Variants in CSMD3 observed in about 807,000 individuals in gnomAD.
CSMD3 encodes CUB and sushi domain-containing protein 3.
CSMD3 carries 177 observed loss-of-function variants against 435.2 expected under a neutral mutation model. The observed-to-expected ratio is 0.41, with a 90% CI of 0.36 to 0.46. The LOEUF (loss-of-function observed/expected upper bound fraction) is 0.46. Among genes scored for constraint, CSMD3 ranks in the 20% least tolerant of loss-of-function variants. CSMD3 has a pLI of 0.34. For missense variants in CSMD3, 4,265 were observed against 4,504.6 expected (o/e 0.95, Z 1.52); for synonymous variants, 1,656 against 1,520.5 (o/e 1.09, Z -2.07).
intron 13 of CSMD3, among the ~76,000 whole-genome samples, chr8:112,779,144 C>T (rs1489806425): frequency 1.3e-5 from 2 of 150,470 alleles, no homozygotes; most frequent in African/African-American, 4.9e-5. Context: ...ATTATCTTGA[C>T]ACTGTATTTT....
intron 13 of CSMD3, among the ~76,000 whole-genome samples, chr8:112,715,833 A>T (rs2076713627): frequency 6.6e-6 from 1 of 152,192 alleles, no homozygotes; most frequent in Admixed American, 6.6e-5. Context: ...CCACATGATT[A>T]TTTCAATAGA....
At chr8:113,102,754 G>A (rs922771167) in intron 4 of CSMD3, among the ~76,000 whole-genome samples, 2 of 152,092 alleles carry the variant, frequency 1.3e-5, no homozygotes, top group African/African-American at 4.8e-5. Context: ...ACAGTAAAAA[G>A]GGCGAGGGGC....
intron 1 of CSMD3, among the ~76,000 whole-genome samples, chr8:113,401,496 T>C (rs1259233651): frequency 1.3e-5 from 2 of 151,642 alleles, no homozygotes; most frequent in African/African-American, 4.8e-5. Flanking sequence ...TATACATAAG[T>C]GGGTAGTTCG....
At chr8:113,100,498 A>G (rs533783674) in intron 4 of CSMD3, among the ~76,000 whole-genome samples, 33 of 152,252 alleles carry the variant, frequency 2.2e-4, no homozygotes, top group African/African-American at 7.9e-4. Context: ...TCACAGTTTA[A>G]CTGGCCCACA....
intron 4 of CSMD3, among the ~76,000 whole-genome samples, chr8:113,153,909 T>C (rs1247330574): frequency 6.6e-6 from 1 of 151,938 alleles, no homozygotes; most frequent in African/African-American, 2.4e-5. Flanking sequence ...GTTAAGCTTG[T>C]GATGGTATGA....
chr8:112,957,157 C>T (rs898178513), intron 7 of CSMD3, among the ~76,000 whole-genome samples: 1 of 151,692 alleles, frequency 6.6e-6, no homozygotes, highest in African/African-American at 2.4e-5. Flanking sequence ...CAATATATAC[C>T]ATAAAATATA....
At chr8:113,393,169 T>C (rs539222112) in intron 1 of CSMD3, among the ~76,000 whole-genome samples, 12 of 152,016 alleles carry the variant, frequency 7.9e-5, no homozygotes, top group Non-Finnish European at 1.6e-4. Context: ...TCATGTCCTA[T>C]ACTTTATTAC....
intron 61 of CSMD3, among the ~76,000 whole-genome samples, chr8:112,261,956 A>C (rs776051491): frequency 1.3e-4 from 19 of 151,988 alleles, no homozygotes; most frequent in Non-Finnish European, 2.4e-4. Context: ...TTGTTTTCAC[A>C]CATATTGATT....
chr8:113,020,829 T>C lies in CSMD3; in HGVS notation c.918-1650A>G, dbSNP rs890875412. ...TGCTAGGGGAACAGTAGAAGGAGGATGGAAAATCTGTCATTGTATATGTAA... is the reference window on the plus strand; with the variant it reads ...TGCTAGGGGAACAGTAGAAGGAGGACGGAAAATCTGTCATTGTATATGTAA... On this transcript the variant is annotated intron_variant, in intron 5 of 70. Transcript: ENST00000297405. Among the ~76,000 whole-genome samples, 8 of 152,120 alleles carry C rather than the reference T, an allele frequency of 5.3e-5. No homozygotes were observed. In the South Asian group the frequency reaches 1.7e-3, roughly 32 times the overall value.
intron 3 of CSMD3, among the ~76,000 whole-genome samples, chr8:113,236,333 G>C (rs2093148692): frequency 6.6e-6 from 1 of 152,152 alleles, no homozygotes; most frequent in East Asian, 1.9e-4. Flanking sequence ...TTGCCTCTCA[G>C]AGTGTACTTT....
rs2130112829 is a variant in CSMD3 at position 112,244,508 on chromosome 8, G to A, written c.10288C>T (p.His3430Tyr). 1.2e-6 allele frequency: 2 copies of A among 1,613,604 alleles called. No individual in the cohort carries two copies. The highest frequency in any genetic ancestry group is 1.7e-6 in the Non-Finnish European group (2 of 1,179,594). The change falls in exon 65 of 71, where the codon CAT becomes TAT. Residue 3430 changes from histidine to tyrosine, a missense_variant. His to Tyr is a moderately conservative substitution (Grantham distance 83, BLOSUM62 2). Around this residue, in one of 3 missense-constraint regions of CSMD3, gnomAD observed 3,255 missense variants for 3,380.2 expected, o/e 0.96. Transcript: ENST00000297405. ...ANVVGMDLPSHGYTLIYTCQP... is the reference protein window; with the variant it reads ...ANVVGMDLPSYGYTLIYTCQP... ...CAGGTATAAATCAGTGTATACCCAT[G>A]AGATGGAAGGTCCATCCCTACGACA...
intron 32 of CSMD3, among the ~76,000 whole-genome samples, chr8:112,419,040 C>G (rs1812203335): frequency 6.6e-6 from 1 of 152,118 alleles, no homozygotes; most frequent in Non-Finnish European, 1.5e-5. Context: ...AATTGGACAT[C>G]TAAGACACTT....
intron 5 of CSMD3, among the ~76,000 whole-genome samples, chr8:113,051,473 T>C (rs1199308230): frequency 6.6e-6 from 1 of 152,192 alleles, no homozygotes; most frequent in East Asian, 1.9e-4. Flanking sequence ...AATTGTTTTT[T>C]ACCGTTAAAG....
intron 24 of CSMD3, among the ~76,000 whole-genome samples, chr8:112,568,729 A>G: frequency 6.6e-6 from 1 of 152,284 alleles, no homozygotes; most frequent in Admixed American, 6.5e-5. Flanking sequence ...AGAGCTAAAA[A>G]TATTAATCAT....
Position 112,306,021 on chromosome 8 carries a change from G to T in CSMD3, c.8057C>A (p.Thr2686Asn), listed in dbSNP as rs1821388013. ...GACACACATACCAACACAGCGAGGG[G>T]TCTTGTTATGATTGCTCCATGTTCC... ...SDGTWSNHNK[T>N]PRCVVVTCPS... Residue 2686 changes from threonine (T) to asparagine (N), a missense_variant, in exon 51 of 71, where the codon ACC becomes AAC. Thr to Asn is a moderately conservative substitution (Grantham distance 65). This residue lies in a region of CSMD3 where 3,255 missense variants were observed against 3,380.2 expected (regional missense o/e 0.96). Transcript: ENST00000297405. 1.9e-6 allele frequency: 3 copies of T among 1,613,566 alleles called. No homozygotes were observed. Among genetic ancestry groups the T allele is most frequent in the Non-Finnish European group, 1.7e-6 (2 of 1,179,600 alleles).
intron 66 of CSMD3, among the ~76,000 whole-genome samples, chr8:112,241,225 A>G (rs573611043): frequency 1.6e-4 from 24 of 152,162 alleles, no homozygotes; most frequent in Admixed American, 3.3e-4. Context: ...AGTATATAAA[A>G]TGAGATACAT....
chr8:112,320,095 T>A, intron 45 of CSMD3, 114 bp from the exon 46 acceptor site: 1 of 702,360 alleles, frequency 1.4e-6, no homozygotes, highest in South Asian at 1.6e-5. Context: ...ATAAATTACA[T>A]AATTTATCAA....
At chr8:113,182,916 C>A (rs1197961220) in intron 3 of CSMD3, among the ~76,000 whole-genome samples, 1 of 151,978 alleles carries the variant, frequency 6.6e-6, no homozygotes, top group Non-Finnish European at 1.5e-5. Flanking sequence ...TCTATCAAGG[C>A]CCACTATAGT....
chr8:113,187,862 C>T (rs1297734708), intron 3 of CSMD3, among the ~76,000 whole-genome samples: 2 of 151,970 alleles, frequency 1.3e-5, no homozygotes, highest in Non-Finnish European at 2.9e-5. Context: ...CACAATCCTA[C>T]CCCTTTATAC....
Sources: gnomAD v4.1 joint callset for allele counts (sites outside exome capture counted in the v4.1 genomes callset) on GRCh38, gnomAD v4.1.1 for gene constraint, gnomAD v4.1.1 regional missense constraint, MANE v1.5 for transcripts, NCBI Gene and HGNC (gene_info 2026-07-23, HGNC 2026-07-21) for gene names.